CSMD1: variants seen among roughly 807,000 people sequenced by gnomAD.
CSMD1 encodes the protein CUB and sushi domain-containing protein 1.
A neutral mutation model predicts 417.5 loss-of-function variants in CSMD1; 213 were observed. That is an observed-to-expected ratio of 0.51 (90% CI 0.46 to 0.57). The LOEUF is 0.57. CSMD1 is among the 20% of genes least tolerant of loss of function. The pLI is 0.00. For synonymous variants in CSMD1, 2,862 were observed against 1,736.8 expected (o/e 1.65, Z -16.11); for missense variants, 6,923 against 4,529.7 (o/e 1.53, Z -15.17).
chr8:4,138,051 T>A (rs1268662269), intron 3 of CSMD1, among the ~76,000 whole-genome samples: 1 of 2,226 alleles, frequency 4.5e-4, no homozygotes, highest in African/African-American at 6.6e-4. Flanking sequence ...CTAATTTTTT[T>A]TTTTTTTTTT....
chr8:3,858,162 T>C (rs1307785705), intron 5 of CSMD1, among the ~76,000 whole-genome samples: 1 of 152,232 alleles, frequency 6.6e-6, no homozygotes, highest in African/African-American at 2.4e-5. Context: ...ATGGAGGCTT[T>C]TTGTCAATTA....
intron 50 of CSMD1, among the ~76,000 whole-genome samples, chr8:3,049,087 G>A (rs758995732): frequency 6.6e-6 from 1 of 152,148 alleles, no homozygotes; most frequent in Non-Finnish European, 1.5e-5. Context: ...AGCACCAGAT[G>A]CTCGCGACAA....
chr8:3,866,738 G>T (rs1805131223), intron 5 of CSMD1, among the ~76,000 whole-genome samples: 1 of 152,300 alleles, frequency 6.6e-6, no homozygotes, highest in Admixed American at 6.5e-5. Flanking sequence ...AAGCCACAGG[G>T]ATTCTCCTGA....
intron 5 of CSMD1, among the ~76,000 whole-genome samples, chr8:3,921,947 T>G (rs373307334): frequency 3.4e-4 from 52 of 152,194 alleles, no homozygotes; most frequent in African/African-American, 1.2e-3. Context: ...ATTGATTTGA[T>G]GTCTGGATGA....
intron 5 of CSMD1, among the ~76,000 whole-genome samples, chr8:3,812,717 T>C (rs758575682): frequency 5.9e-5 from 9 of 152,232 alleles, no homozygotes; most frequent in African/African-American, 1.7e-4. Flanking sequence ...GTTTCCTCAG[T>C]AGACTCCACA....
chr8:3,719,327 C>T (rs186214705), intron 6 of CSMD1, among the ~76,000 whole-genome samples: 39 of 152,190 alleles, frequency 2.6e-4, no homozygotes, highest in African/African-American at 9.2e-4. Flanking sequence ...CCAATCTCAC[C>T]CCTGAAATGT....
chr8:3,535,079 T>G (rs181670559), intron 10 of CSMD1, among the ~76,000 whole-genome samples: 9 of 152,122 alleles, frequency 5.9e-5, no homozygotes, highest in African/African-American at 2.2e-4. Context: ...TACTGAGTAG[T>G]TGGGACTACA....
chr8:3,709,863 G>T (rs1489349440), intron 6 of CSMD1, among the ~76,000 whole-genome samples: 6 of 150,874 alleles, frequency 4.0e-5, no homozygotes, highest in African/African-American at 1.5e-4. Context: ...GTGTGTGTGT[G>T]TGTGTACACA....
At chr8:4,414,097 G>C (rs566844153) in intron 3 of CSMD1, among the ~76,000 whole-genome samples, 1 of 152,184 alleles carries the variant, frequency 6.6e-6, no homozygotes. Context: ...AATTCAGGTG[G>C]AGTTTGGGTT....
intron 3 of CSMD1, among the ~76,000 whole-genome samples, chr8:4,243,952 TCAGTAGCAGGTGGG>T (rs1256010704): frequency 6.6e-6 from 1 of 152,168 alleles, no homozygotes; most frequent in African/African-American, 2.4e-5. Context: ...ACTACAATCA[TCAGTAGCAGGTGGG>T]AACGGGTTAC....
intron 1 of CSMD1, among the ~76,000 whole-genome samples, chr8:4,858,319 G>T (rs1219851458): frequency 1.3e-5 from 2 of 151,600 alleles, no homozygotes; most frequent in Non-Finnish European, 2.9e-5. Context: ...TACTGAATGG[G>T]CAAAAACTGG....
intron 12 of CSMD1, among the ~76,000 whole-genome samples, chr8:3,416,500 T>A (rs548635085): frequency 1.3e-5 from 2 of 152,160 alleles, no homozygotes. Context: ...CGGTGTATAC[T>A]TGAATTTCAA....
intron 3 of CSMD1, among the ~76,000 whole-genome samples, chr8:4,328,719 C>T (rs534823089): frequency 1.3e-5 from 2 of 152,252 alleles, no homozygotes; most frequent in South Asian, 2.1e-4. Context: ...TATACTATGG[C>T]TATTTCTTTA....
At chr8:4,915,159 G>A (rs747755429) in intron 1 of CSMD1, among the ~76,000 whole-genome samples, 1 of 152,060 alleles carries the variant, frequency 6.6e-6, no homozygotes, top group Non-Finnish European at 1.5e-5. Context: ...GCATGCTTAT[G>A]ATTATATATA....
intron 7 of CSMD1, among the ~76,000 whole-genome samples, chr8:3,652,993 C>A (rs543502853): frequency 6.6e-6 from 1 of 152,240 alleles, no homozygotes; most frequent in South Asian, 2.1e-4. Context: ...ATTGTCTGCA[C>A]TATTAATGCC....
chr8:3,083,610 T>TTATATATATATATA (rs1554507974), intron 49 of CSMD1, among the ~76,000 whole-genome samples: 12 of 30,918 alleles, frequency 3.9e-4, no homozygotes, highest in Admixed American at 1.1e-3. Context: ...ACCATAATTT[T>TTATATATATATATA]TATATATATA....
intron 1 of CSMD1, among the ~76,000 whole-genome samples, chr8:4,862,305 C>G (rs1802184154): frequency 6.6e-6 from 1 of 152,054 alleles, no homozygotes; most frequent in Non-Finnish European, 1.5e-5. Flanking sequence ...TGTCCATCAT[C>G]AGAACCTTAT....
At chr8:2,993,981 T>TA (rs34441038) in intron 54 of CSMD1, among the ~76,000 whole-genome samples, 20,438 of 118,370 alleles carry the variant, frequency 0.17, 3,698 homozygotes, top group African/African-American at 0.47. Flanking sequence ...CCATCCCTAC[T>TA]AAAAAAAAAA....
intron 3 of CSMD1, among the ~76,000 whole-genome samples, chr8:4,259,402 C>T (rs1803716346): frequency 6.6e-6 from 1 of 152,070 alleles, no homozygotes. Flanking sequence ...CCCAAACTAG[C>T]TTCATTCATT....
Sources: allele counts gnomAD v4.1 joint callset (sites outside exome capture counted in the v4.1 genomes callset), GRCh38; gene constraint gnomAD v4.1.1; transcripts MANE v1.5; gene names NCBI Gene and HGNC (gene_info 2026-07-23, HGNC 2026-07-21).